Variants in NDUFAF2 observed in about 807,000 individuals in gnomAD.
The protein encoded by NDUFAF2 is NADH:ubiquinone oxidoreductase complex assembly factor 2, also known as NADH dehydrogenase [ubiquinone] 1 alpha subcomplex assembly factor 2.
A neutral mutation model predicts 22.8 loss-of-function variants in NDUFAF2; 13 were observed. The observed-to-expected ratio is 0.57, with a 90% CI of 0.37 to 0.91. The LOEUF (loss-of-function observed/expected upper bound fraction) is 0.91, where lower values mean the gene tolerates loss of function less well. Ranked by LOEUF, NDUFAF2 falls within the 40% of genes least tolerant of loss-of-function variation. NDUFAF2 has a pLI of 0.01. For synonymous variants in NDUFAF2, 53 were observed against 64.2 expected (o/e 0.83, Z 0.84); for missense variants, 162 against 195.2 (o/e 0.83, Z 1.01).
intron 1 of NDUFAF2, among the ~76,000 whole-genome samples, chr5:61,061,123 T>C (rs749372089): frequency 2.0e-5 from 3 of 152,140 alleles, no homozygotes; most frequent in Admixed American, 1.3e-4. Flanking sequence ...ATATTAGAAA[T>C]CTTATTTCTA....
At chr5:61,062,973 G>T (rs1223612049) in intron 1 of NDUFAF2, among the ~76,000 whole-genome samples, 2 of 152,086 alleles carry the variant, frequency 1.3e-5, no homozygotes, top group African/African-American at 4.8e-5. Flanking sequence ...CTTCAGAAAT[G>T]AAGGAGAAAC....
intron 2 of NDUFAF2, among the ~76,000 whole-genome samples, chr5:61,077,063 A>G (rs1752379794): frequency 6.6e-6 from 1 of 152,216 alleles, no homozygotes; most frequent in Non-Finnish European, 1.5e-5. Flanking sequence ...TCAATTTTGG[A>G]CATGCTAAGT....
intron 1 of NDUFAF2, among the ~76,000 whole-genome samples, chr5:61,070,718 T>C (rs1183647463): frequency 6.6e-6 from 1 of 151,984 alleles, no homozygotes; most frequent in African/African-American, 2.4e-5. Context: ...AGAGTAGGAA[T>C]AGAAAGTTAT....
chr5:60,952,534 A>G (rs2112563311), intron 1 of NDUFAF2, among the ~76,000 whole-genome samples: 1 of 152,212 alleles, frequency 6.6e-6, no homozygotes, highest in Admixed American at 6.5e-5. Flanking sequence ...ATTCTATTAT[A>G]TTCAGAGAAC....
chr5:61,096,640 A>G (rs1009886711), intron 2 of NDUFAF2, among the ~76,000 whole-genome samples: 6 of 151,876 alleles, frequency 4.0e-5, no homozygotes, highest in African/African-American at 9.7e-5. Flanking sequence ...TTTGGCTAGA[A>G]ATTGGCCAAA....
chr5:61,131,587 T>C (rs1753112301), intron 3 of NDUFAF2, among the ~76,000 whole-genome samples: 1 of 152,142 alleles, frequency 6.6e-6, no homozygotes, highest in Non-Finnish European at 1.5e-5. Flanking sequence ...TTCTAAACAT[T>C]CATCTATAGG....
Position 61,099,047 on chromosome 5 carries a change from G to A in NDUFAF2, c.258+15G>A. ...CTACTATGGAGGTAAGACTACACAA[G>A]GAGGATATCATTTAGGAGTATATAT... On this transcript the variant is annotated intron_variant, in intron 3 of 3. Transcript: ENST00000296597. 6.3e-7 allele frequency: 1 copy of A among 1,582,640 alleles called. No homozygotes were observed. Among genetic ancestry groups the A allele is most frequent in the Non-Finnish European group, 8.7e-7 (1 of 1,155,734 alleles).
At chr5:61,019,853 C>CT (rs1308853197) in intron 1 of NDUFAF2, among the ~76,000 whole-genome samples, 2 of 151,986 alleles carry the variant, frequency 1.3e-5, no homozygotes, top group Non-Finnish European at 2.9e-5. Context: ...TCATTTCCTT[C>CT]TTTTTTTCTA....
intron 1 of NDUFAF2, among the ~76,000 whole-genome samples, chr5:60,955,232 T>C (rs1750599747): frequency 6.6e-6 from 1 of 152,188 alleles, no homozygotes; most frequent in South Asian, 2.1e-4. Flanking sequence ...TCATATTGAG[T>C]TGATTTTTAT....
intron 1 of NDUFAF2, among the ~76,000 whole-genome samples, chr5:61,015,270 C>T (rs1423776516): frequency 6.6e-6 from 1 of 152,048 alleles, no homozygotes; most frequent in Non-Finnish European, 1.5e-5. Context: ...ATATAACACC[C>T]AATTTTTTAA....
At chr5:61,068,056 G>C (rs1752252447) in intron 1 of NDUFAF2, among the ~76,000 whole-genome samples, 1 of 152,026 alleles carries the variant, frequency 6.6e-6, no homozygotes, top group Non-Finnish European at 1.5e-5. Flanking sequence ...ATTTTTAAGT[G>C]TTTATTAATT....
chr5:60,960,841 T>C (rs1750674330), intron 1 of NDUFAF2, among the ~76,000 whole-genome samples: 1 of 152,184 alleles, frequency 6.6e-6, no homozygotes, highest in African/African-American at 2.4e-5. Flanking sequence ...ACTCACAAAT[T>C]GCATCCTTTG....
chr5:61,116,987 A>G (rs1752920329), intron 3 of NDUFAF2, among the ~76,000 whole-genome samples: 1 of 152,196 alleles, frequency 6.6e-6, no homozygotes, highest in Non-Finnish European at 1.5e-5. Flanking sequence ...AAAAGGAAAA[A>G]TAATCATTTT....
chr5:60,963,223 G>A (rs556140614), intron 1 of NDUFAF2, among the ~76,000 whole-genome samples: 1 of 152,252 alleles, frequency 6.6e-6, no homozygotes, highest in African/African-American at 2.4e-5. Flanking sequence ...TTCTAATATT[G>A]AGTAGATATC....
At chr5:61,014,321 T>C (rs991503573) in intron 1 of NDUFAF2, among the ~76,000 whole-genome samples, 1 of 152,190 alleles carries the variant, frequency 6.6e-6, no homozygotes, top group Non-Finnish European at 1.5e-5. Context: ...TGAACACATC[T>C]ACATGCCAGG....
At chr5:61,040,141 T>C (rs1399409844) in intron 1 of NDUFAF2, among the ~76,000 whole-genome samples, 1 of 151,976 alleles carries the variant, frequency 6.6e-6, no homozygotes, top group Non-Finnish European at 1.5e-5. Context: ...AACCTCAGAA[T>C]GTTATCTTAT....
chr5:60,961,953 T>C (rs1750692450), intron 1 of NDUFAF2, among the ~76,000 whole-genome samples: 1 of 151,360 alleles, frequency 6.6e-6, no homozygotes, highest in Non-Finnish European at 1.5e-5. Flanking sequence ...ACAGCAAGAC[T>C]CTTTCTCTAA....
intron 2 of NDUFAF2, among the ~76,000 whole-genome samples, chr5:61,075,374 G>A (rs998067351): frequency 2.6e-5 from 4 of 152,020 alleles, no homozygotes; most frequent in African/African-American, 9.7e-5. Flanking sequence ...GATACCAAAG[G>A]TTTTTTGAAG....
intron 1 of NDUFAF2, among the ~76,000 whole-genome samples, chr5:61,071,088 T>C (rs1752292976): frequency 6.6e-6 from 1 of 152,214 alleles, no homozygotes; most frequent in African/African-American, 2.4e-5. Context: ...TTTATATATG[T>C]GAATGTAAAT....
Sources: allele counts gnomAD v4.1 joint callset (sites outside exome capture counted in the v4.1 genomes callset), GRCh38; gene constraint gnomAD v4.1.1; transcripts MANE v1.5; gene names NCBI Gene and HGNC (gene_info 2026-07-23, HGNC 2026-07-21).